Variants in ARHGAP15 observed in about 807,000 individuals in gnomAD.
ARHGAP15 encodes Rho GTPase activating protein 15.
ARHGAP15 carries 51 observed loss-of-function variants against 63.7 expected under a neutral mutation model. That is an observed-to-expected ratio of 0.80 (90% confidence interval 0.64 to 1.01). The LOEUF (loss-of-function observed/expected upper bound fraction) is 1.01, where lower values mean the gene tolerates loss of function less well. Ranked by LOEUF, ARHGAP15 falls within the 50% of genes least tolerant of loss-of-function variation. The pLI is 0.00. For missense variants in ARHGAP15, 560 were observed against 564.6 expected (o/e 0.99, Z 0.08); for synonymous variants, 191 against 193.8 (o/e 0.99, Z 0.12).
chr2:143,244,319 A>G (rs1159664647), intron 5 of ARHGAP15, among the ~76,000 whole-genome samples: 5 of 152,206 alleles, frequency 3.3e-5, no homozygotes, highest in Non-Finnish European at 7.3e-5. Context: ...TGTGACTAAC[A>G]AGAGTTGTAA....
At chr2:143,392,489 T>G (rs1274476372) in intron 6 of ARHGAP15, among the ~76,000 whole-genome samples, 1 of 152,220 alleles carries the variant, frequency 6.6e-6, no homozygotes, top group African/African-American at 2.4e-5. Context: ...ATCCTACCTA[T>G]ATGATGTGGC....
At chr2:143,308,476 AAACAC>A (rs1683281588) in intron 6 of ARHGAP15, among the ~76,000 whole-genome samples, 1 of 60,972 alleles carries the variant, frequency 1.6e-5, no homozygotes, top group Admixed American at 2.0e-4. Context: ...AGTTGATAAG[AAACAC>A]ACACACACAC....
chr2:143,297,550 A>G (rs78621450), intron 6 of ARHGAP15, among the ~76,000 whole-genome samples: 5,197 of 151,982 alleles, frequency 0.034, 301 homozygotes, highest in African/African-American at 0.12. Flanking sequence ...TTTAGCAGCA[A>G]ATCAAAGCCA....
chr2:143,273,540 C>G (rs7597347), intron 6 of ARHGAP15, among the ~76,000 whole-genome samples: 31,076 of 151,958 alleles, frequency 0.2, 3,851 homozygotes, highest in African/African-American at 0.34. Context: ...CAACCTAACT[C>G]TAGTTAATAA....
intron 8 of ARHGAP15, among the ~76,000 whole-genome samples, chr2:143,474,891 T>C (rs563337564): frequency 1.6e-3 from 251 of 152,322 alleles, no homozygotes; most frequent in African/African-American, 6.0e-3. Flanking sequence ...AGTAAAATAT[T>C]TGGGATAACA....
intron 12 of ARHGAP15, among the ~76,000 whole-genome samples, chr2:143,640,496 T>C (rs1446021794): frequency 6.6e-6 from 1 of 152,116 alleles, no homozygotes; most frequent in Non-Finnish European, 1.5e-5. Context: ...CGAAGAAGTA[T>C]TATTACTACT....
chr2:143,159,384 A>T (rs1179070029), intron 2 of ARHGAP15, among the ~76,000 whole-genome samples: 1 of 151,950 alleles, frequency 6.6e-6, no homozygotes, highest in Non-Finnish European at 1.5e-5. Context: ...TGTTTAGTAG[A>T]GTTTTTAAGA....
chr2:143,741,509 G>A (rs916121440), intron 13 of ARHGAP15, among the ~76,000 whole-genome samples: 1 of 152,112 alleles, frequency 6.6e-6, no homozygotes. Flanking sequence ...ACCCTCATGT[G>A]CCTTTTTTGA....
rs563258422 is a variant in ARHGAP15 at position 143,440,336 on chromosome 2, C to T, written c.703+3294C>T. On this transcript the variant is annotated intron_variant, in intron 8 of 13. Coordinates refer to ENST00000295095, the MANE Select transcript of ARHGAP15 (RefSeq NM_018460.4). ...ACTTAGGTTTCTTAAAACTTGCATT[C>T]GCTTTTATGTCACCCTTTGGAGATT... is the stretch of plus-strand genomic sequence containing the variant. Among the ~76,000 whole-genome samples, 33 of 152,232 alleles carry T rather than the reference C, an allele frequency of 2.2e-4. No individual in the cohort carries two copies. In the South Asian group the frequency reaches 6.2e-3, roughly 29 times the overall value.
intron 6 of ARHGAP15, among the ~76,000 whole-genome samples, chr2:143,250,991 C>A (rs1265152821): frequency 6.6e-6 from 1 of 151,892 alleles, no homozygotes; most frequent in Non-Finnish European, 1.5e-5. Context: ...CTCTTGCCTT[C>A]TAGTCATTAA....
At chr2:143,400,392 A>G (rs2104994380) in intron 6 of ARHGAP15, among the ~76,000 whole-genome samples, 1 of 152,102 alleles carries the variant, frequency 6.6e-6, no homozygotes, top group Non-Finnish European at 1.5e-5. Flanking sequence ...TTAAAGAAGC[A>G]AGAAAGAAGA....
intron 12 of ARHGAP15, among the ~76,000 whole-genome samples, chr2:143,697,639 G>A (rs958203471): frequency 6.6e-6 from 1 of 152,070 alleles, no homozygotes; most frequent in Non-Finnish European, 1.5e-5. Context: ...TGTGAGATTT[G>A]AATTTGCCCC....
chr2:143,280,664 T>C (rs530265681), intron 6 of ARHGAP15, among the ~76,000 whole-genome samples: 1 of 152,254 alleles, frequency 6.6e-6, no homozygotes, highest in South Asian at 2.1e-4. Flanking sequence ...ATGTATTATC[T>C]GTCTATGGTG....
chr2:143,235,828 A>C, intron 5 of ARHGAP15: 1 of 1,236,786 alleles, frequency 8.1e-7, no homozygotes, highest in Non-Finnish European at 1.1e-6. Flanking sequence ...CTTGACTCAC[A>C]CTCCTTGTAT....
intron 6 of ARHGAP15, among the ~76,000 whole-genome samples, chr2:143,331,414 C>T (rs1455355257): frequency 4.6e-5 from 7 of 152,074 alleles, no homozygotes; most frequent in Non-Finnish European, 1.5e-5. Flanking sequence ...TTGTTTATTT[C>T]TGTCTCCTTT....
chr2:143,372,430 T>C (rs909842517), intron 6 of ARHGAP15, among the ~76,000 whole-genome samples: 3 of 149,896 alleles, frequency 2.0e-5, no homozygotes, highest in Non-Finnish European at 3.0e-5. Context: ...CTTAATCTAC[T>C]CATGTACATG....
At chr2:143,341,208 G>A (rs1471914234) in intron 6 of ARHGAP15, among the ~76,000 whole-genome samples, 2 of 151,912 alleles carry the variant, frequency 1.3e-5, no homozygotes, top group Non-Finnish European at 2.9e-5. Flanking sequence ...TTCATTGAGG[G>A]GATGAACCAC....
intron 11 of ARHGAP15, among the ~76,000 whole-genome samples, chr2:143,558,598 CT>C (rs1457662632): frequency 7.2e-5 from 11 of 152,194 alleles, no homozygotes; most frequent in African/African-American, 2.2e-4. Flanking sequence ...ATGTCTGTCT[CT>C]TTCACAAATC....
At chr2:143,397,832 T>C (rs1687836772) in intron 6 of ARHGAP15, among the ~76,000 whole-genome samples, 1 of 152,076 alleles carries the variant, frequency 6.6e-6, no homozygotes, top group Non-Finnish European at 1.5e-5. Context: ...ATATTTGGAG[T>C]AGTCCTCTTT....
Sources: gnomAD v4.1 joint callset for allele counts (sites outside exome capture counted in the v4.1 genomes callset) on GRCh38, gnomAD v4.1.1 for gene constraint, MANE v1.5 for transcripts, NCBI Gene and HGNC (gene_info 2026-07-23, HGNC 2026-07-21) for gene names.